MED16: variants seen among roughly 807,000 people sequenced by gnomAD.
MED16 encodes mediator complex subunit 16, also known as mediator of RNA polymerase II transcription subunit 16.
A neutral mutation model predicts 84.4 loss-of-function variants in MED16; 81 were observed. That is an observed-to-expected ratio of 0.96 (90% CI 0.80 to 1.15). MED16 has a LOEUF of 1.15. Among genes scored for constraint, MED16 ranks in the 50% most tolerant of loss-of-function variants. MED16 has a pLI of 0.00. For missense variants in MED16, 1,585 were observed against 1,245.9 expected, an observed-to-expected ratio of 1.27 and a Z score of -4.10; for synonymous variants, 897 against 552.2, an observed-to-expected ratio of 1.62 and a Z score of -8.76.
intron 1 of MED16, chr19:892,348 C>A: frequency 6.4e-6 from 1 of 157,202 alleles, no homozygotes. Flanking sequence ...CGGCCTCACC[C>A]TAAATTCTCA....
Position 872,785 on chromosome 19 carries a change from G to A in MED16, c.1905+664C>T, listed in dbSNP as rs2036113414. On this transcript the variant is annotated intron_variant, in intron 11 of 15. Transcript: ENST00000325464. ...CAGGGAGCTGGGGAGGGTAAGGGGT[G>A]GGGGCAGCAGCAGCAGAAGCAAGGC... is the stretch of plus-strand genomic sequence containing the variant. 1.0e-5 allele frequency: 2 copies of A among 196,028 alleles called. 1 individual carries two copies. The highest frequency in any genetic ancestry group is 2.0e-5 in the Non-Finnish European group (2 of 101,502). 12.1% of individuals were successfully genotyped at this position (196,028 alleles called of 1,614,324 possible).
In MED16 at chr19:876,894, G is replaced by A. The variant is rs113421264; in HGVS notation, c.1560+80C>T. Reference sequence around the variant, plus strand: ...CTGCCACGGGGCCCCCACCTGCCACGGGGCCCCACCTGCCACGGGGCCCCC... The same window carrying A: ...CTGCCACGGGGCCCCCACCTGCCACAGGGCCCCACCTGCCACGGGGCCCCC... On this transcript the variant is annotated intron_variant, in intron 9 of 15. Coordinates refer to ENST00000325464, the MANE Select transcript of MED16 (RefSeq NM_005481.3). 77 of 1,425,606 alleles carry A rather than the reference G, an allele frequency of 5.4e-5. 1 individual carries two copies. The highest frequency in any genetic ancestry group is 3.9e-4 in the South Asian group (28 of 72,064). The allele number at this position is 1,425,606 out of a possible 1,614,324, so 88.3% of individuals were successfully genotyped here. A position where few individuals can be genotyped will look rare whatever the true frequency, so the allele number is the denominator to read the frequency against.
At chr19:868,333 G>C in intron 15 of MED16, 82 bp from the exon 16 acceptor site, 2 of 1,591,042 alleles carry the variant, frequency 1.3e-6, no homozygotes, top group Non-Finnish European at 1.7e-6. Context: ...CTCAGGGGCA[G>C]CTGAGGGGTA....
chr19:887,103 G>C (rs2036541827), intron 4 of MED16, among the ~76,000 whole-genome samples: 1 of 151,436 alleles, frequency 6.6e-6, no homozygotes, highest in African/African-American at 2.4e-5. Flanking sequence ...AAAAGAACAA[G>C]AAAAATGTCT....
At chr19:876,843 G>A (rs940283791) in intron 9 of MED16, 131 bp downstream of exon 9, 3 of 872,478 alleles carry the variant, frequency 3.4e-6, no homozygotes, top group Non-Finnish European at 3.4e-6. Context: ...CTGCCACAGG[G>A]ACAGCCCCAC....
chr19:889,881 C>T (rs1254362138), intron 3 of MED16, 74 bp from the exon 4 acceptor site: 1 of 1,494,878 alleles, frequency 6.7e-7, no homozygotes, highest in Non-Finnish European at 8.9e-7. Flanking sequence ...GGCACAGCGC[C>T]TGGGGGAAGC....
chr19:873,815 G>A (rs952060138), intron 10 of MED16, among the ~76,000 whole-genome samples: 76 of 152,114 alleles, frequency 5.0e-4, no homozygotes, highest in Middle Eastern at 3.4e-3. Context: ...AGCTTCTCTC[G>A]GCCTGCAGGC....
At chr19:878,196 C>T (rs1260509520) in intron 8 of MED16, among the ~76,000 whole-genome samples, 13 of 140,082 alleles carry the variant, frequency 9.3e-5, no homozygotes, top group Non-Finnish European at 1.8e-4. Flanking sequence ...CCCCACGTGC[C>T]CCAGCAGCTC....
At chr19:882,365 T>A (rs2036438177) in intron 6 of MED16, among the ~76,000 whole-genome samples, 1 of 150,176 alleles carries the variant, frequency 6.7e-6, no homozygotes, top group South Asian at 2.1e-4. Flanking sequence ...ACAGTAAACA[T>A]TAGCTGTGTG....
chr19:872,834 G>C, intron 11 of MED16: 1 of 455,196 alleles, frequency 2.2e-6, no homozygotes, highest in Non-Finnish European at 3.0e-6. Flanking sequence ...TGTAGGGGTG[G>C]GGCTGAGAAG....
chr19:880,120 G>T lies in MED16; in HGVS notation c.1170C>A (p.Ser390Arg). 3 of 1,609,816 alleles carry T rather than the reference G, an allele frequency of 1.9e-6. No homozygotes were observed. Among genetic ancestry groups the T allele is most frequent in the South Asian group, 1.1e-5 (1 of 90,766 alleles). The change falls in exon 8 of 16, where the codon AGC (serine) becomes AGA (arginine). Residue 390 changes from serine (S) to arginine (R), a missense_variant. Coordinates refer to ENST00000325464, the MANE Select transcript of MED16 (RefSeq NM_005481.3). ...GTGAGAGCCGGTGCACGATGTGGAC[G>T]CTGCCGTCGTGGAAGGCCAGGGCCA... ...LGLALAFHDG[S>R]VHIVHRLSLQ...
rs529963199 is a variant in MED16 at position 869,168 on chromosome 19, C to T, written c.2316-222G>A. ...CCCACACGGAGGAGGGTTGGTCTCC[C>T]AGGTGCCTGGGGAGCTTGAGGCTTA... On this transcript the variant is annotated intron_variant, in intron 13 of 15. Transcript: ENST00000325464. Among the ~76,000 whole-genome samples, 279 of 152,034 alleles carry T rather than the reference C, an allele frequency of 1.8e-3. 5 individuals carry two copies. Among genetic ancestry groups the T allele is most frequent in the African/African-American group, 6.5e-3 (269 of 41,464 alleles).
chr19:877,094 G>A lies in MED16; in HGVS notation c.1440C>T (p.Tyr480=). The A allele has an allele frequency of 2.5e-6, 4 of 1,612,702 alleles. No homozygotes were observed. Among genetic ancestry groups the A allele is most frequent in the Non-Finnish European group, 3.4e-6 (4 of 1,179,904 alleles). Residue 480 remains tyrosine, a synonymous_variant, in exon 9 of 16, where the codon TAC becomes TAT. Transcript: ENST00000325464. ...ACCAGTCGTAGCCGGTCACCATGCA[G>A]TACTCCAGCAGGAAGAGCAGGTGCC... ...ALRHLLFLLE[Y]CMVTGYDWWD...
At position 890,111 on chromosome 19, in the gene MED16, C is replaced by G. The variant is rs779954578; in HGVS notation, c.277+26G>C. On this transcript the variant is annotated intron_variant, in intron 3 of 15. Transcript: ENST00000325464. ...TGCTCCGGGATCCGGGTCGCCACCC[C>G]TGGCCACGTGGGACCAGCGCCTCAC... 2.0e-6 allele frequency: 3 copies of G among 1,524,504 alleles called. No homozygotes were observed. The African/African-American group carries it at 4.1e-5, about 21-fold the overall frequency. The allele number at this position is 1,524,504 out of a possible 1,614,324, so 94.4% of individuals were successfully genotyped here. A position where few individuals can be genotyped will look rare whatever the true frequency, so the allele number is the denominator to read the frequency against.
chr19:879,495 C>T (rs1425624674), intron 8 of MED16, among the ~76,000 whole-genome samples: 13 of 135,520 alleles, frequency 9.6e-5, no homozygotes, highest in African/African-American at 3.7e-4. Context: ...CCCAGCCCCA[C>T]GTGCCCCAGC....
chr19:876,915 C>CCCCACCTGCCACGGGGG (rs1568324645), intron 9 of MED16, 59 bp downstream of exon 9: 1 of 1,426,514 alleles, frequency 7.0e-7, no homozygotes, highest in Admixed American at 2.2e-5. Context: ...TGCCACGGGG[C>CCCCACCTGCCACGGGGG]CCCCACCTGC....
chr19:869,089 G>A, intron 13 of MED16, 143 bp from the exon 14 acceptor site: 1 of 713,316 alleles, frequency 1.4e-6, no homozygotes, highest in Non-Finnish European at 2.2e-6. Flanking sequence ...TGTGAACAGT[G>A]AGGTGGGAGG....
intron 4 of MED16, among the ~76,000 whole-genome samples, chr19:887,250 T>G (rs2036545350): frequency 6.6e-6 from 1 of 151,906 alleles, no homozygotes; most frequent in Non-Finnish European, 1.5e-5. Context: ...CCAGGCCTGG[T>G]GGTGAGGGGT....
At position 877,780 on chromosome 19, in the gene MED16, AGCCC is replaced by A. The variant is rs1599328828; in HGVS notation, c.1354-604_1354-601del. On this transcript the variant is annotated intron_variant, in intron 8 of 15. Coordinates refer to ENST00000325464, the MANE Select transcript of MED16 (RefSeq NM_005481.3). ...GTCAATGCCCACCAGCCCCAGCCCC[AGCCC>A]CAGCCCCAGCCCCACGTGCCCCAGC... Among the ~76,000 whole-genome samples, 4 of 35,806 alleles carry A rather than the reference AGCCC, an allele frequency of 1.1e-4. No homozygotes were observed. In the East Asian group the frequency reaches 2.7e-3, roughly 24 times the overall value. The allele number at this position is 35,806 out of a possible 152,430, so 23.5% of individuals were successfully genotyped here.
Sources: gnomAD v4.1 joint callset for allele counts (sites outside exome capture counted in the v4.1 genomes callset) on GRCh38, gnomAD v4.1.1 for gene constraint, MANE v1.5 for transcripts, NCBI Gene and HGNC (gene_info 2026-07-23, HGNC 2026-07-21) for gene names.